Variants in ENTREP2 observed in about 807,000 individuals in gnomAD.
The protein encoded by ENTREP2 is protein ENTREP2.
At chr15:29,545,070 A>G in the ENTREP2 span, among the ~76,000 whole-genome samples, 1 of 152,214 alleles carries the variant, frequency 6.6e-6, no homozygotes, top group African/African-American at 2.4e-5. Flanking sequence ...AAGCTCCACA[A>G]TTAAGTAAAA....
chr15:29,408,428 C>T, the ENTREP2 span, among the ~76,000 whole-genome samples: 3 of 152,072 alleles, frequency 2.0e-5, no homozygotes, highest in Non-Finnish European at 2.9e-5. Flanking sequence ...AAAGGAGGAA[C>T]GCCCTGGTGG....
the ENTREP2 span, among the ~76,000 whole-genome samples, chr15:29,319,889 G>T: frequency 2.6e-5 from 4 of 152,130 alleles, no homozygotes; most frequent in African/African-American, 9.7e-5. Context: ...GTTTTAGGGG[G>T]ACACCCTACA....
the ENTREP2 span, among the ~76,000 whole-genome samples, chr15:29,453,966 A>C: frequency 3.3e-5 from 5 of 152,196 alleles, no homozygotes; most frequent in Non-Finnish European, 7.3e-5. Context: ...CATACAAATG[A>C]TACTGACATC....
chr15:29,384,211 C>T, the ENTREP2 span, among the ~76,000 whole-genome samples: 1 of 152,186 alleles, frequency 6.6e-6, no homozygotes, highest in Non-Finnish European at 1.5e-5. Context: ...TCATGTTTGA[C>T]ATTTCAGACC....
the ENTREP2 span, among the ~76,000 whole-genome samples, chr15:29,643,955 A>G: frequency 2.0e-5 from 3 of 152,146 alleles, no homozygotes; most frequent in East Asian, 5.8e-4. Flanking sequence ...GAATATAAAT[A>G]AAAACATATG....
At chr15:29,535,909 A>C in the ENTREP2 span, among the ~76,000 whole-genome samples, 2 of 152,066 alleles carry the variant, frequency 1.3e-5, no homozygotes, top group African/African-American at 4.8e-5. Flanking sequence ...CAGGAAGAAG[A>C]GTGGAAATCC....
At chr15:29,246,951 T>C in the ENTREP2 span, among the ~76,000 whole-genome samples, 34 of 146,474 alleles carry the variant, frequency 2.3e-4, no homozygotes, top group East Asian at 6.4e-3. Flanking sequence ...AACAAAAATA[T>C]GTGCAGATGA....
chr15:29,674,128 T>TGGGGGG, the ENTREP2 span, among the ~76,000 whole-genome samples: 3 of 46,146 alleles, frequency 6.5e-5, no homozygotes, highest in South Asian at 2.4e-3. Context: ...CTGCAGAGGA[T>TGGGGGG]GGGGGGGGGG....
chr15:29,432,807 C>G, the ENTREP2 span, among the ~76,000 whole-genome samples: 1 of 152,140 alleles, frequency 6.6e-6, no homozygotes, highest in Non-Finnish European at 1.5e-5. Context: ...ATCCACGCAG[C>G]TGTGAGGAGC....
chr15:29,402,287 T>TATATACACACACACA, the ENTREP2 span, among the ~76,000 whole-genome samples: 1 of 112,758 alleles, frequency 8.9e-6, no homozygotes, highest in Non-Finnish European at 1.9e-5. Context: ...TATATGTATA[T>TATATACACACACACA]TGTATTGTGT....
the ENTREP2 span, among the ~76,000 whole-genome samples, chr15:29,498,778 GCTGT>G: frequency 2.2e-3 from 342 of 152,066 alleles, 1 homozygote; most frequent in African/African-American, 7.7e-3. Flanking sequence ...TTACTGTATT[GCTGT>G]CTATTTCTCC....
the ENTREP2 span, among the ~76,000 whole-genome samples, chr15:29,468,456 C>T: frequency 6.6e-6 from 1 of 151,990 alleles, no homozygotes; most frequent in African/African-American, 2.4e-5. Context: ...ACTAAAAATA[C>T]AAAAATTAGG....
chr15:29,362,396 A>G, the ENTREP2 span, among the ~76,000 whole-genome samples: 1 of 103,890 alleles, frequency 9.6e-6, no homozygotes, highest in Admixed American at 1.3e-4. Context: ...TTTTTTTGAG[A>G]CAGAGTCTTG....
the ENTREP2 span, among the ~76,000 whole-genome samples, chr15:29,261,667 G>C: frequency 6.6e-6 from 1 of 151,944 alleles, no homozygotes; most frequent in Non-Finnish European, 1.5e-5. Flanking sequence ...CTCACTCAAA[G>C]CAATTTTTTA....
At chr15:29,656,252 G>A in the ENTREP2 span, among the ~76,000 whole-genome samples, 1 of 150,120 alleles carries the variant, frequency 6.7e-6, no homozygotes, top group Non-Finnish European at 1.5e-5. Flanking sequence ...TTGAGACAGA[G>A]TCTCACTCTG....
the ENTREP2 span, among the ~76,000 whole-genome samples, chr15:29,604,310 T>C: frequency 2.0e-5 from 3 of 152,358 alleles, no homozygotes; most frequent in African/African-American, 7.2e-5. Flanking sequence ...TATTCCACAT[T>C]GTGGTCGAGA....
chr15:29,598,565 G>GAGA, the ENTREP2 span, among the ~76,000 whole-genome samples: 1 of 151,564 alleles, frequency 6.6e-6, no homozygotes, highest in Non-Finnish European at 1.5e-5. Context: ...CATTGCACTG[G>GAGA]TAAGATATTT....
the ENTREP2 span, among the ~76,000 whole-genome samples, chr15:29,338,896 T>TAC: frequency 1.3e-5 from 1 of 74,828 alleles, no homozygotes. Flanking sequence ...CAGCAAATAA[T>TAC]ACTCCCCACT....
the ENTREP2 span, among the ~76,000 whole-genome samples, chr15:29,343,579 T>C: frequency 2.0e-5 from 3 of 146,816 alleles, no homozygotes; most frequent in East Asian, 4.0e-4. Context: ...AGGCGCTCTC[T>C]CTCTCTTTCT....
Sources: allele counts gnomAD v4.1 joint callset (sites outside exome capture counted in the v4.1 genomes callset), GRCh38; gene constraint gnomAD v4.1.1; transcripts MANE v1.5; gene names NCBI Gene and HGNC (gene_info 2026-07-23, HGNC 2026-07-21).